Variants in SPATA16 observed in about 807,000 individuals in gnomAD.
SPATA16 encodes the protein spermatogenesis associated 16.
Under a neutral mutation model 63.3 loss-of-function variants are expected in SPATA16, and 36 were observed. The ratio of observed to expected loss-of-function variants is 0.57; its 90% CI spans 0.44 to 0.75. The LOEUF is 0.75. Ranked by LOEUF, SPATA16 falls within the 30% of genes least tolerant of loss-of-function variation. The probability of loss-of-function intolerance (pLI) is 0.00; values close to 1 mark genes in which losing one functional copy is unlikely to be tolerated. For missense variants in SPATA16, 646 were observed against 679.3 expected (o/e 0.95, Z 0.54); for synonymous variants, 203 against 216.7 (o/e 0.94, Z 0.56).
At chr3:173,056,655 G>A (rs1736231421) in intron 2 of SPATA16, among the ~76,000 whole-genome samples, 1 of 134,356 alleles carries the variant, frequency 7.4e-6, no homozygotes, top group Non-Finnish European at 1.5e-5. Flanking sequence ...AGTAAGCCGA[G>A]ATAGTGCCAT....
At chr3:172,937,044 G>C (rs1373406012) in intron 6 of SPATA16, among the ~76,000 whole-genome samples, 2 of 152,112 alleles carry the variant, frequency 1.3e-5, no homozygotes, top group African/African-American at 4.8e-5. Flanking sequence ...TAACCTACAG[G>C]GTTTCCAGGT....
intron 2 of SPATA16, among the ~76,000 whole-genome samples, chr3:173,065,714 G>A (rs1427752698): frequency 6.6e-6 from 1 of 152,216 alleles, no homozygotes; most frequent in Non-Finnish European, 1.5e-5. Flanking sequence ...AGTAAAGTGA[G>A]TGTGGGGCTT....
At chr3:172,891,586 A>G (rs1378580489) in intron 10 of SPATA16, among the ~76,000 whole-genome samples, 1 of 152,184 alleles carries the variant, frequency 6.6e-6, no homozygotes, top group Non-Finnish European at 1.5e-5. Context: ...AATTATATTA[A>G]ATGGATTTCT....
intron 10 of SPATA16, among the ~76,000 whole-genome samples, chr3:172,913,373 C>T (rs542958165): frequency 1.5e-3 from 229 of 151,744 alleles, no homozygotes; most frequent in Middle Eastern, 3.4e-3. Context: ...ATTATAAAAC[C>T]GAGAACGAAG....
chr3:173,072,573 A>G (rs1736699022), intron 2 of SPATA16, among the ~76,000 whole-genome samples: 1 of 152,176 alleles, frequency 6.6e-6, no homozygotes, highest in South Asian at 2.1e-4. Flanking sequence ...AATGCCTTTC[A>G]CTTGGTTCTC....
intron 2 of SPATA16, among the ~76,000 whole-genome samples, chr3:173,051,011 A>G (rs909068971): frequency 1.3e-5 from 2 of 152,240 alleles, no homozygotes; most frequent in African/African-American, 4.8e-5. Flanking sequence ...AATTTGAGAC[A>G]GCATCTCCTT....
At chr3:173,035,691 G>A (rs1735701273) in intron 3 of SPATA16, among the ~76,000 whole-genome samples, 1 of 152,068 alleles carries the variant, frequency 6.6e-6, no homozygotes, top group Non-Finnish European at 1.5e-5. Flanking sequence ...AGAATGCCAA[G>A]GATGCTGTGA....
At position 173,114,754 on chromosome 3, in the gene SPATA16, A is replaced by G. The variant is rs117159933; in HGVS notation, c.612+2366T>C. On this transcript the variant is annotated intron_variant, in intron 2 of 10. Coordinates refer to ENST00000351008, the MANE Select transcript of SPATA16 (RefSeq NM_031955.6). ...CGTCCATCCTATCTTATTCAAAGCC[A>G]TGTTAGGACTTAAGGAAAAGGGAGA... Among the ~76,000 whole-genome samples, 27 of 152,330 alleles carry G rather than the reference A, an allele frequency of 1.8e-4. No individual in the cohort carries two copies. The East Asian group carries it at 5.2e-3, about 29-fold the overall frequency.
At chr3:172,993,253 C>A (rs2108261983) in intron 4 of SPATA16, among the ~76,000 whole-genome samples, 2 of 151,498 alleles carry the variant, frequency 1.3e-5, no homozygotes, top group Middle Eastern at 7.1e-3. Context: ...TGACAGCTTG[C>A]CATTCTATTC....
chr3:173,118,564 A>T (rs547449775), intron 1 of SPATA16, among the ~76,000 whole-genome samples: 3 of 152,314 alleles, frequency 2.0e-5, no homozygotes, highest in East Asian at 1.9e-4. Context: ...ATAATTATTT[A>T]GTATGGTTGA....
intron 4 of SPATA16, among the ~76,000 whole-genome samples, chr3:173,006,846 A>G (rs1274444877): frequency 2.0e-5 from 3 of 149,944 alleles, no homozygotes; most frequent in African/African-American, 7.4e-5. Flanking sequence ...GTAAGCCAAG[A>G]AAAAAAAAAG....
intron 1 of SPATA16, among the ~76,000 whole-genome samples, chr3:173,135,296 A>T (rs1193329722): frequency 1.3e-5 from 2 of 152,370 alleles, no homozygotes; most frequent in Non-Finnish European, 2.9e-5. Context: ...AAAATTAAGA[A>T]GACAGACAAT....
At chr3:173,004,740 T>C (rs1270967830) in intron 4 of SPATA16, among the ~76,000 whole-genome samples, 1 of 152,224 alleles carries the variant, frequency 6.6e-6, no homozygotes, top group Non-Finnish European at 1.5e-5. Context: ...TTTTTAAAAT[T>C]GAGAGTTTAT....
At chr3:172,961,391 CTT>C (rs1228049895) in intron 5 of SPATA16, among the ~76,000 whole-genome samples, 1 of 152,064 alleles carries the variant, frequency 6.6e-6, no homozygotes, top group Non-Finnish European at 1.5e-5. Context: ...GCTTAAGAGA[CTT>C]TTCTAAAGGC....
At chr3:173,128,283 G>T (rs555938754) in intron 1 of SPATA16, among the ~76,000 whole-genome samples, 1 of 152,262 alleles carries the variant, frequency 6.6e-6, no homozygotes, top group Non-Finnish European at 1.5e-5. Context: ...CAGAATAAGG[G>T]TGGATCATAT....
intron 1 of SPATA16, among the ~76,000 whole-genome samples, chr3:173,121,204 CTT>C (rs112905762): frequency 6.3e-5 from 9 of 142,204 alleles, no homozygotes; most frequent in African/African-American, 1.0e-4. Context: ...GCTGTACAGC[CTT>C]TTTTTTTTTT....
At chr3:172,977,338 ATGTTT>A (rs1380958626) in intron 4 of SPATA16, among the ~76,000 whole-genome samples, 2 of 152,118 alleles carry the variant, frequency 1.3e-5, no homozygotes, top group African/African-American at 4.8e-5. Flanking sequence ...TTATGAGAGA[ATGTTT>A]TGTTTTGGTT....
intron 4 of SPATA16, among the ~76,000 whole-genome samples, chr3:173,002,356 T>C (rs1253930077): frequency 6.6e-6 from 1 of 152,140 alleles, no homozygotes; most frequent in Non-Finnish European, 1.5e-5. Context: ...GACTGGAGTT[T>C]GAATAAAATG....
intron 2 of SPATA16, among the ~76,000 whole-genome samples, chr3:173,092,825 A>G (rs1737256082): frequency 6.6e-6 from 1 of 152,090 alleles, no homozygotes; most frequent in Non-Finnish European, 1.5e-5. Flanking sequence ...ATTTCAGACA[A>G]AAAAGGTTTT....
Sources: allele counts gnomAD v4.1 joint callset (sites outside exome capture counted in the v4.1 genomes callset), GRCh38; gene constraint gnomAD v4.1.1; transcripts MANE v1.5; gene names NCBI Gene and HGNC (gene_info 2026-07-23, HGNC 2026-07-21).